Variants in TNFAIP8 observed in about 807,000 individuals in gnomAD.
TNFAIP8 encodes tumor necrosis factor alpha-induced protein 8.
In TNFAIP8, 7 loss-of-function variants were observed where a neutral mutation model predicts 13.3. The observed-to-expected ratio is 0.52, with a 90% CI of 0.30 to 0.99. TNFAIP8 has a LOEUF of 0.99. Among genes scored for constraint, TNFAIP8 ranks in the 50% least tolerant of loss-of-function variants. The pLI, the probability that TNFAIP8 is intolerant of heterozygous loss-of-function variation, is 0.07. For missense variants in TNFAIP8, 258 were observed against 236.9 expected (o/e 1.09, Z -0.58); for synonymous variants, 94 against 87.6 (o/e 1.07, Z -0.41).
At chr5:119,359,581 C>T (rs796819791) in intron 1 of TNFAIP8, among the ~76,000 whole-genome samples, 4 of 152,132 alleles carry the variant, frequency 2.6e-5, no homozygotes, top group South Asian at 2.1e-4. Context: ...TTAGTTGTTC[C>T]GTAGTGGTGA....
At chr5:119,292,697 C>CACACAA (rs1561986061) in intron 1 of TNFAIP8, among the ~76,000 whole-genome samples, 3 of 51,482 alleles carry the variant, frequency 5.8e-5, no homozygotes, top group African/African-American at 1.4e-4. Flanking sequence ...CACACACACA[C>CACACAA]AATGAAATAC....
Position 119,390,184 on chromosome 5 carries a change from G to A in TNFAIP8, c.32-2632G>A, listed in dbSNP as rs374995302. 1.2e-4 allele frequency among the ~76,000 whole-genome samples: 18 copies of A among 152,134 alleles called. No homozygotes were observed. The East Asian group carries it at 3.3e-3, about 28-fold the overall frequency. Reference sequence around the variant, plus strand: ...CCCAGGTAAGATATTTGTAGACTGTGCCATGTTCTAAAACATTAAAAAAAA... The same window carrying A: ...CCCAGGTAAGATATTTGTAGACTGTACCATGTTCTAAAACATTAAAAAAAA... On this transcript the variant is annotated intron_variant, in intron 1 of 1. Coordinates refer to ENST00000504771, the MANE Select transcript of TNFAIP8 (RefSeq NM_014350.4).
At chr5:119,324,387 T>A (rs776937321) in intron 1 of TNFAIP8, among the ~76,000 whole-genome samples, 1 of 147,396 alleles carries the variant, frequency 6.8e-6, no homozygotes, top group Non-Finnish European at 1.5e-5. Context: ...TTTCTAAGTC[T>A]CCATCCTCTC....
chr5:119,341,039 A>C (rs900983479), intron 1 of TNFAIP8, among the ~76,000 whole-genome samples: 3 of 149,274 alleles, frequency 2.0e-5, no homozygotes, highest in African/African-American at 7.4e-5. Flanking sequence ...AGCCGTAGAC[A>C]CCTTTTATTC....
At chr5:119,293,182 C>T (rs1749053037) in intron 1 of TNFAIP8, among the ~76,000 whole-genome samples, 1 of 151,878 alleles carries the variant, frequency 6.6e-6, no homozygotes, top group African/African-American at 2.4e-5. Context: ...TGCATTACGT[C>T]ACATCCCTTT....
At chr5:119,327,792 G>A (rs1344035962) in intron 1 of TNFAIP8, among the ~76,000 whole-genome samples, 1 of 152,156 alleles carries the variant, frequency 6.6e-6, no homozygotes, top group African/African-American at 2.4e-5. Context: ...ACCCTAGGAA[G>A]GAGGTTATTA....
intron 1 of TNFAIP8, among the ~76,000 whole-genome samples, chr5:119,303,514 A>C (rs1396044713): frequency 6.6e-6 from 1 of 152,176 alleles, no homozygotes; most frequent in East Asian, 1.9e-4. Context: ...CAGAGCTCTC[A>C]AAGGTTGGTG....
At chr5:119,359,852 T>C (rs1441782764) in intron 1 of TNFAIP8, among the ~76,000 whole-genome samples, 1 of 152,240 alleles carries the variant, frequency 6.6e-6, no homozygotes, top group Non-Finnish European at 1.5e-5. Context: ...TCATACATAA[T>C]GTAAAAGGTA....
intron 1 of TNFAIP8, among the ~76,000 whole-genome samples, chr5:119,291,378 A>C (rs1481639867): frequency 2.6e-5 from 4 of 152,236 alleles, no homozygotes; most frequent in Non-Finnish European, 5.9e-5. Context: ...ATTTACAGTT[A>C]AGCATTTTTC....
chr5:119,364,896 T>C, intron 1 of TNFAIP8, among the ~76,000 whole-genome samples: 1 of 132,496 alleles, frequency 7.5e-6, no homozygotes, highest in Admixed American at 8.2e-5. Context: ...CTGTCGCCCA[T>C]GCTGGAGTGC....
chr5:119,368,262 C>A (rs554181714), intron 1 of TNFAIP8, among the ~76,000 whole-genome samples: 86 of 152,144 alleles, frequency 5.7e-4, no homozygotes, highest in African/African-American at 2.0e-3. Flanking sequence ...TTGACAGATA[C>A]TAACAGGTTT....
At chr5:119,339,318 A>C (rs1750659014) in intron 1 of TNFAIP8, among the ~76,000 whole-genome samples, 1 of 152,146 alleles carries the variant, frequency 6.6e-6, no homozygotes, top group African/African-American at 2.4e-5. Flanking sequence ...TGGGTTGCCT[A>C]AACTCGTCAC....
chr5:119,270,221 G>A (rs1017622708), intron 1 of TNFAIP8, among the ~76,000 whole-genome samples: 4 of 152,254 alleles, frequency 2.6e-5, no homozygotes, highest in African/African-American at 9.6e-5. Flanking sequence ...TATCGCAGCC[G>A]ATATTTTTAT....
chr5:119,292,637 C>A (rs1338103811), intron 1 of TNFAIP8, among the ~76,000 whole-genome samples: 1 of 88,474 alleles, frequency 1.1e-5, no homozygotes, highest in Non-Finnish European at 2.3e-5. Context: ...AATGAATAAT[C>A]AATGTAGCAT....
intron 1 of TNFAIP8, among the ~76,000 whole-genome samples, chr5:119,289,969 G>A (rs1339618604): frequency 6.6e-6 from 1 of 152,138 alleles, no homozygotes; most frequent in African/African-American, 2.4e-5. Context: ...CTTCACCAAC[G>A]ATTTCATTAA....
chr5:119,346,344 G>A, intron 1 of TNFAIP8, among the ~76,000 whole-genome samples: 1 of 152,294 alleles, frequency 6.6e-6, no homozygotes, highest in Non-Finnish European at 1.5e-5. Flanking sequence ...CGTGTTTGCA[G>A]CAGCCTGCAG....
chr5:119,283,731 G>A (rs1357490702), intron 1 of TNFAIP8, among the ~76,000 whole-genome samples: 1 of 152,142 alleles, frequency 6.6e-6, no homozygotes, highest in East Asian at 1.9e-4. Flanking sequence ...CTGGGCCTGT[G>A]GGAGGCAGCT....
chr5:119,356,650 T>C (rs1459743134), intron 1 of TNFAIP8, among the ~76,000 whole-genome samples: 2 of 151,516 alleles, frequency 1.3e-5, no homozygotes, highest in South Asian at 2.1e-4. Context: ...GTTCATTTCG[T>C]TGGGGGTTTG....
intron 1 of TNFAIP8, among the ~76,000 whole-genome samples, chr5:119,383,615 G>A (rs1038634398): frequency 3.3e-5 from 5 of 152,116 alleles, no homozygotes; most frequent in Non-Finnish European, 5.9e-5. Flanking sequence ...AGAATTGCAA[G>A]CCTCCAAGAC....
Sources: gnomAD v4.1 joint callset for allele counts (sites outside exome capture counted in the v4.1 genomes callset) on GRCh38, gnomAD v4.1.1 for gene constraint, MANE v1.5 for transcripts, NCBI Gene and HGNC (gene_info 2026-07-23, HGNC 2026-07-21) for gene names.